Variants in ME3 observed in about 807,000 individuals in gnomAD.
ME3 encodes the protein NADP-dependent malic enzyme, mitochondrial.
In ME3, 48 loss-of-function variants were observed where a neutral mutation model predicts 68.9. The ratio of observed to expected loss-of-function variants is 0.70; its 90% CI spans 0.55 to 0.89. The LOEUF (loss-of-function observed/expected upper bound fraction) is 0.89, where lower values mean the gene tolerates loss of function less well. Ranked by LOEUF, ME3 falls within the 40% of genes least tolerant of loss-of-function variation. The pLI, the probability that ME3 is intolerant of heterozygous loss-of-function variation, is 0.00. For synonymous variants in ME3, 320 were observed against 318.8 expected, an observed-to-expected ratio of 1.00 and a Z score of -0.04; for missense variants, 675 against 797.4, an observed-to-expected ratio of 0.85 and a Z score of 1.85.
At chr11:86,668,420 T>A (rs1946710640) in intron 2 of ME3, among the ~76,000 whole-genome samples, 2 of 152,244 alleles carry the variant, frequency 1.3e-5, no homozygotes, top group South Asian at 4.1e-4. Context: ...AAAAAATTGC[T>A]GGTAGATCCA....
intron 13 of ME3, among the ~76,000 whole-genome samples, chr11:86,444,068 A>G (rs557878328): frequency 1.4e-4 from 21 of 152,344 alleles, no homozygotes; most frequent in African/African-American, 5.1e-4. Flanking sequence ...GTGGACAAGT[A>G]ACAAATGATT....
At chr11:86,481,611 C>G (rs1045814123) in intron 7 of ME3, among the ~76,000 whole-genome samples, 7 of 152,090 alleles carry the variant, frequency 4.6e-5, no homozygotes, top group African/African-American at 1.4e-4. Flanking sequence ...CCCAAGAGAG[C>G]ATATTCCTGC....
chr11:86,442,889 G>T (rs1362401115), exon 14 of ME3: 4 of 1,613,342 alleles, frequency 2.5e-6, no homozygotes, highest in East Asian at 2.2e-5. Flanking sequence ...CCCTGGGACA[G>T]ATGCTGCTCA....
At chr11:86,555,258 G>T (rs1025649725) in intron 4 of ME3, among the ~76,000 whole-genome samples, 2 of 152,166 alleles carry the variant, frequency 1.3e-5, no homozygotes, top group African/African-American at 4.8e-5. Flanking sequence ...AAGCCCTAGG[G>T]AGCTGCTAAA....
chr11:86,454,627 ATAAGGTATGGT>A (rs1949814670), intron 8 of ME3, among the ~76,000 whole-genome samples: 1 of 152,222 alleles, frequency 6.6e-6, no homozygotes, highest in Non-Finnish European at 1.5e-5. Context: ...GATTGGGAAA[ATAAGGTATGGT>A]TTGCTGAATT....
intron 8 of ME3, among the ~76,000 whole-genome samples, chr11:86,455,890 A>G (rs1027172549): frequency 2.1e-5 from 3 of 143,348 alleles, no homozygotes; most frequent in African/African-American, 7.6e-5. Flanking sequence ...ATAAGTATTT[A>G]AATCACTTAA....
At chr11:86,540,623 A>G (rs1313542062) in intron 4 of ME3, among the ~76,000 whole-genome samples, 1 of 152,234 alleles carries the variant, frequency 6.6e-6, no homozygotes, top group African/African-American at 2.4e-5. Context: ...AAAGATTTCA[A>G]TGTTACCACT....
At chr11:86,442,565 A>G (rs1949059061) in intron 14 of ME3, among the ~76,000 whole-genome samples, 1 of 152,114 alleles carries the variant, frequency 6.6e-6, no homozygotes, top group Non-Finnish European at 1.5e-5. Flanking sequence ...ATTCTGGTCC[A>G]CAGACATTGA....
intron 4 of ME3, among the ~76,000 whole-genome samples, chr11:86,547,398 C>CAA (rs1956427793): frequency 2.0e-5 from 3 of 149,498 alleles, no homozygotes; most frequent in Non-Finnish European, 3.0e-5. Flanking sequence ...CCAAACACTG[C>CAA]ATGTTCTCAC....
intron 4 of ME3, among the ~76,000 whole-genome samples, chr11:86,542,259 T>G (rs896117593): frequency 2.8e-4 from 43 of 152,002 alleles, no homozygotes; most frequent in African/African-American, 9.4e-4. Context: ...CTCCAAAGGA[T>G]CACAACTCCT....
intron 4 of ME3, among the ~76,000 whole-genome samples, chr11:86,534,101 A>G (rs1289438607): frequency 1.1e-4 from 13 of 120,404 alleles, no homozygotes; most frequent in African/African-American, 3.6e-4. Flanking sequence ...ATATATATAT[A>G]TATATATATG....
chr11:86,568,589 T>C lies in ME3; in HGVS notation c.184-8766A>G, dbSNP rs563421591. 7.2e-5 allele frequency among the ~76,000 whole-genome samples: 11 copies of C among 152,326 alleles called. No individual in the cohort carries two copies. In the East Asian group the frequency reaches 1.9e-3, roughly 27 times the overall value. On this transcript the variant is annotated intron_variant, in intron 2 of 14. Transcript: ENST00000543262. ...AAATTTACTGGCATCAGAGGGAGGA[T>C]ATTTCAATAGCTCCCACCATCAAAT...
intron 2 of ME3, among the ~76,000 whole-genome samples, chr11:86,564,517 G>T (rs1423991340): frequency 6.7e-6 from 1 of 148,516 alleles, no homozygotes; most frequent in Non-Finnish European, 1.5e-5. Flanking sequence ...TAGGTAAATG[G>T]AATAGAATAA....
chr11:86,616,858 A>T (rs1293468317), intron 2 of ME3, among the ~76,000 whole-genome samples: 1 of 152,172 alleles, frequency 6.6e-6, no homozygotes, highest in African/African-American at 2.4e-5. Flanking sequence ...AAAACTGGTG[A>T]AATCCAAAGA....
At chr11:86,542,256 G>A (rs1333500861) in intron 4 of ME3, among the ~76,000 whole-genome samples, 2 of 152,144 alleles carry the variant, frequency 1.3e-5, no homozygotes, top group Admixed American at 6.5e-5. Context: ...CTGCTCCAAA[G>A]GATCACAACT....
chr11:86,621,301 A>G (rs1192855944), intron 2 of ME3, among the ~76,000 whole-genome samples: 1 of 152,242 alleles, frequency 6.6e-6, no homozygotes, highest in African/African-American at 2.4e-5. Flanking sequence ...GTAAGAAAAC[A>G]TTGTTTTTAT....
chr11:86,642,903 T>C (rs1565258252), intron 2 of ME3, among the ~76,000 whole-genome samples: 1 of 152,258 alleles, frequency 6.6e-6, no homozygotes, highest in African/African-American at 2.4e-5. Flanking sequence ...TTAATAGTTT[T>C]ATTCCATTTA....
intron 2 of ME3, among the ~76,000 whole-genome samples, chr11:86,585,577 C>G (rs564336607): frequency 6.6e-6 from 1 of 152,244 alleles, no homozygotes; most frequent in Non-Finnish European, 1.5e-5. Flanking sequence ...AGGAGAGGAG[C>G]TCATCTCAAG....
intron 4 of ME3, among the ~76,000 whole-genome samples, chr11:86,548,612 C>T (rs1167805283): frequency 1.3e-5 from 2 of 152,162 alleles, no homozygotes; most frequent in Non-Finnish European, 2.9e-5. Flanking sequence ...TTTTCATTTA[C>T]TTTTGCATTT....
Sources: gnomAD v4.1 joint callset for allele counts (sites outside exome capture counted in the v4.1 genomes callset) on GRCh38, gnomAD v4.1.1 for gene constraint, MANE v1.5 for transcripts, NCBI Gene and HGNC (gene_info 2026-07-23, HGNC 2026-07-21) for gene names.